EML5: variants seen among roughly 807,000 people sequenced by gnomAD.
The protein encoded by EML5 is EMAP like 5.
In EML5, 120 loss-of-function variants were observed where a neutral mutation model predicts 250.0. That is an observed-to-expected ratio of 0.48 (90% CI 0.41 to 0.56). EML5 has a LOEUF of 0.56. EML5 is among the 20% of genes least tolerant of loss of function. The pLI, the probability that EML5 is intolerant of heterozygous loss-of-function variation, is 0.00. For synonymous variants in EML5, 771 were observed against 806.5 expected, an observed-to-expected ratio of 0.96 and a Z score of 0.75; for missense variants, 2,006 against 2,437.6, an observed-to-expected ratio of 0.82 and a Z score of 3.73.
chr14:88,777,963 A>G (rs2094462650), intron 1 of EML5, among the ~76,000 whole-genome samples: 1 of 152,266 alleles, frequency 6.6e-6, no homozygotes, highest in Admixed American at 6.5e-5. Context: ...CAAAAGAGTG[A>G]CATCCTGTCT....
Position 88,618,834 on chromosome 14 carries a change from A to G in EML5, c.5376-22T>C, listed in dbSNP as rs750989457. On this transcript the variant is annotated intron_variant, in intron 39 of 43. Coordinates refer to ENST00000554922, the MANE Select transcript of EML5 (RefSeq NM_183387.3). ...AAATCTGAATCAAAACAAAACGTAA[A>G]AAGTATTAGACCACATGAAGTATTA... The G allele has an allele frequency of 7.7e-6, 12 of 1,552,470 alleles. No individual in the cohort carries two copies. The African/African-American group carries it at 1.1e-4, about 14-fold the overall frequency.
rs535876712 is a variant in EML5, at chr14:88,683,057, G to A, written c.2983-1026C>T. ...TGTGAAAAAGCTCATGCATAAGTAC[G>A]TCTCAAAAACAGTGAAAATTGTTTT... On this transcript the variant is annotated intron_variant, in intron 20 of 43. Coordinates refer to ENST00000554922, the MANE Select transcript of EML5 (RefSeq NM_183387.3). 5.9e-5 allele frequency among the ~76,000 whole-genome samples: 8 copies of A among 134,958 alleles called. No homozygotes were observed. In the South Asian group the frequency reaches 9.7e-4, roughly 16 times the overall value. 88.5% of individuals were successfully genotyped at this position (134,958 alleles called of 152,430 possible). A position where few individuals can be genotyped will look rare whatever the true frequency, so the allele number is the denominator to read the frequency against.
chr14:88,647,687 C>CAAAAAAAAAAAAAAAAAAAAA (rs34191990), intron 28 of EML5, among the ~76,000 whole-genome samples: 8 of 48,754 alleles, frequency 1.6e-4, no homozygotes, highest in African/African-American at 5.9e-4. Context: ...GAGACCGTCT[C>CAAAAAAAAAAAAAAAAAAAAA]AAAAAAAAAA....
intron 8 of EML5, among the ~76,000 whole-genome samples, chr14:88,716,455 T>C (rs1399908958): frequency 6.6e-6 from 1 of 152,106 alleles, no homozygotes; most frequent in African/African-American, 2.4e-5. Flanking sequence ...CTTTGCTCCA[T>C]ATCCATCCAT....
chr14:88,664,608 A>G lies in EML5; in HGVS notation c.3294T>C (p.Leu1098=). The G allele has an allele frequency of 2.5e-6, 4 of 1,606,356 alleles. No individual in the cohort carries two copies. Among genetic ancestry groups the G allele is most frequent in the Non-Finnish European group, 3.4e-6 (4 of 1,177,756 alleles). Residue 1098 remains leucine, a synonymous_variant, in exon 23 of 44, where the codon CTT becomes CTC. Coordinates refer to ENST00000554922, the MANE Select transcript of EML5 (RefSeq NM_183387.3). The part of the protein sequence containing the change: ...IRFSPGSGKY[L]AVASHDSFID... Reference sequence around the variant, plus strand: ...TAAAGCTGTCATGGGATGCTACAGCAAGATATTTCCCAGAACCTATAATAG... The same window carrying G: ...TAAAGCTGTCATGGGATGCTACAGCGAGATATTTCCCAGAACCTATAATAG...
Position 88,620,098 on chromosome 14 carries a change from G to A in EML5, c.5375+656C>T, listed in dbSNP as rs2088617196. 1 of 152,202 alleles carries A rather than the reference G, an allele frequency of 6.6e-6. No individual in the cohort carries two copies. The highest frequency in any genetic ancestry group is 2.1e-4 in the South Asian group (1 of 4,828). The allele number at this position is 152,202 out of a possible 1,614,324, so 9.4% of individuals were successfully genotyped here. On this transcript the variant is annotated intron_variant, in intron 39 of 43. Transcript: ENST00000554922. This position sits in a 1 kb window ranked among gnomAD's most constrained non-coding sequence, Gnocchi z 4.3. ...CGATAGAGACATGTAAAAGCTAAGG[G>A]AAGCCACTGTTACTATTTTATATAT...
intron 7 of EML5, among the ~76,000 whole-genome samples, chr14:88,727,913 C>A (rs2093692122): frequency 6.6e-6 from 1 of 151,982 alleles, no homozygotes; most frequent in Non-Finnish European, 1.5e-5. Flanking sequence ...TAGAAGATAC[C>A]CATTGTTTGA....
intron 37 of EML5, 120 bp downstream of exon 37, chr14:88,622,484 A>G: frequency 1.3e-6 from 1 of 766,184 alleles, no homozygotes; most frequent in Non-Finnish European, 1.9e-6. Context: ...AATGTTGGCA[A>G]GCAAATCCAT....
chr14:88,679,162 T>C lies in EML5; in HGVS notation c.3124+2728A>G, dbSNP rs545302889. ...TCACTGGATTTAGAGCCCAACCAAA[T>C]CTAGTATGCCTTTGTCTTAAACTGA... On this transcript the variant is annotated intron_variant, in intron 21 of 43. Coordinates refer to ENST00000554922, the MANE Select transcript of EML5 (RefSeq NM_183387.3). 2.0e-5 allele frequency among the ~76,000 whole-genome samples: 3 copies of C among 149,308 alleles called. No homozygotes were observed. In the South Asian group the frequency reaches 6.6e-4, roughly 33 times the overall value.
chr14:88,744,137 C>A (rs2093969275), intron 3 of EML5, 46 bp from the exon 4 acceptor site: 3 of 1,395,554 alleles, frequency 2.1e-6, no homozygotes, highest in South Asian at 2.9e-5. Context: ...TTTCCAGAAT[C>A]ATTTAAAAAT....
chr14:88,743,828 C>T lies in EML5; in HGVS notation c.525+195G>A, dbSNP rs972549277. Among the ~76,000 whole-genome samples, 5 of 151,928 alleles carry T rather than the reference C, an allele frequency of 3.3e-5. No individual in the cohort carries two copies. In the East Asian group the frequency reaches 9.6e-4, roughly 29 times the overall value. On this transcript the variant is annotated intron_variant, in intron 4 of 43. Coordinates refer to ENST00000554922, the MANE Select transcript of EML5 (RefSeq NM_183387.3). ...TGGCTTATTAATTTCCTATTCATACCTATATTCCTTACAATAGTTCAAAGC... is the reference window on the plus strand; with the variant it reads ...TGGCTTATTAATTTCCTATTCATACTTATATTCCTTACAATAGTTCAAAGC...
chr14:88,614,266 G>GT lies in EML5; in HGVS notation c.*1551dup, dbSNP rs1443707872. Reference sequence around the variant, plus strand: ...ACATGAGTAGAAACTTAATAGTCATGTATTTCAAAATTTGGCTTAATTTAG... The same window carrying GT: ...ACATGAGTAGAAACTTAATAGTCATGTTATTTCAAAATTTGGCTTAATTTAG... On this transcript the variant is annotated 3_prime_UTR_variant, in exon 44 of 44. Transcript: ENST00000554922. 1.3e-5 allele frequency: 2 copies of GT among 152,122 alleles called. No homozygotes were observed. The highest frequency in any genetic ancestry group is 4.8e-5 in the African/African-American group (2 of 41,420). 9.4% of individuals were successfully genotyped at this position (152,122 alleles called of 1,614,324 possible). A position where few individuals can be genotyped will look rare whatever the true frequency, so the allele number is the denominator to read the frequency against.
chr14:88,614,591 C>T lies in EML5; in HGVS notation c.*1227G>A, dbSNP rs567553599. 5 of 152,160 alleles carry T rather than the reference C, an allele frequency of 3.3e-5. No individual in the cohort carries two copies. The highest frequency in any genetic ancestry group is 5.9e-5 in the Non-Finnish European group (4 of 68,024). The allele number at this position is 152,160 out of a possible 1,614,324, so 9.4% of individuals were successfully genotyped here. ...AAAACTCATAGGGTCAATACAGCAT[C>T]TTAAACCTCACACTTAGAAAAATAT... On this transcript the variant is annotated 3_prime_UTR_variant, in exon 44 of 44. Transcript: ENST00000554922.
At chr14:88,726,701 TA>T in intron 7 of EML5, 23 bp from the exon 8 acceptor site, 4 of 1,500,496 alleles carry the variant, frequency 2.7e-6, no homozygotes, top group South Asian at 2.7e-5. Context: ...ATTTAAAAAA[TA>T]AAAAAGGTTA....
In EML5 at chr14:88,648,293, C is replaced by A. The variant is rs10151985; in HGVS notation, c.4020-1338G>T. ...CTTCTACATAAAAAGCCATTCATATCCAAGATAACAATGATATCTCCATTT... is the reference window on the plus strand; with the variant it reads ...CTTCTACATAAAAAGCCATTCATATACAAGATAACAATGATATCTCCATTT... On this transcript the variant is annotated intron_variant, in intron 28 of 43. Transcript: ENST00000554922. 7.5e-3 allele frequency among the ~76,000 whole-genome samples: 1,138 copies of A among 152,084 alleles called. 17 individuals carry two copies. The highest frequency in any genetic ancestry group is 0.026 in the African/African-American group (1,087 of 41,490).
chr14:88,634,580 T>C, intron 32 of EML5, 91 bp from the exon 33 acceptor site: 4 of 712,420 alleles, frequency 5.6e-6, no homozygotes, highest in South Asian at 6.2e-5. Context: ...TAAACTATTA[T>C]ATACAAAATT....
intron 1 of EML5, among the ~76,000 whole-genome samples, chr14:88,758,093 G>C (rs7144932): frequency 0.4 from 59,022 of 148,676 alleles, 13,904 homozygotes; most frequent in African/African-American, 0.64. Context: ...TTGGGCTTAA[G>C]AGATCCTCCC....
intron 21 of EML5, among the ~76,000 whole-genome samples, chr14:88,669,054 C>T (rs1258283173): frequency 6.6e-6 from 1 of 152,188 alleles, no homozygotes; most frequent in Non-Finnish European, 1.5e-5. Flanking sequence ...GGAGTGACAG[C>T]CCACCTGGGA....
Position 88,736,323 on chromosome 14 carries a change from G to T in EML5, c.1049+41C>A, listed in dbSNP as rs371084054. The T allele has an allele frequency of 1.5e-4, 241 of 1,595,456 alleles. 1 individual carries two copies. Among genetic ancestry groups the T allele is most frequent in the Admixed American group, 6.7e-5 (4 of 59,732 alleles). ...CATGTTTTCTTTATGTTTATCTAAG[G>T]ATACATTCCAGCCTATGGAATTAGT... On this transcript the variant is annotated intron_variant, in intron 7 of 43. Transcript: ENST00000554922.
Sources: gnomAD v4.1 joint callset for allele counts (sites outside exome capture counted in the v4.1 genomes callset) on GRCh38, gnomAD v4.1.1 for gene constraint, Gnocchi (gnomAD v3.1) non-coding constraint, MANE v1.5 for transcripts, NCBI Gene and HGNC (gene_info 2026-07-23, HGNC 2026-07-21) for gene names.